IQCJ: variants seen among roughly 807,000 people sequenced by gnomAD.
The protein encoded by IQCJ is IQ motif containing J, also known as IQ domain-containing protein J.
IQCJ carries 9 observed loss-of-function variants against 11.0 expected under a neutral mutation model. That is an observed-to-expected ratio of 0.82 (90% CI 0.49 to 1.43). The LOEUF (loss-of-function observed/expected upper bound fraction) is 1.43, where lower values mean the gene tolerates loss of function less well. Ranked by LOEUF, IQCJ falls within the 40% of genes most tolerant of loss-of-function variation. The pLI is 0.00. For synonymous variants in IQCJ, 55 were observed against 51.3 expected (o/e 1.07, Z -0.31); for missense variants, 146 against 133.2 (o/e 1.10, Z -0.47).
In IQCJ at chr3:159,110,650, T is replaced by C. The variant is rs59384482; in HGVS notation, c.9+41209T>C. On this transcript the variant is annotated intron_variant, in intron 1 of 3. Coordinates refer to ENST00000397832, the MANE Select transcript of IQCJ (RefSeq NM_001042706.3). ...CGTGACTGTTAGGAGGGGCCGTCTTTCTTATTCATCACTGTATCCCCAGCA... is the reference window on the plus strand; with the variant it reads ...CGTGACTGTTAGGAGGGGCCGTCTTCCTTATTCATCACTGTATCCCCAGCA... 2.5e-3 allele frequency among the ~76,000 whole-genome samples: 375 copies of C among 152,226 alleles called. 2 individuals are homozygous for C. The highest frequency in any genetic ancestry group is 8.6e-3 in the African/African-American group (358 of 41,540).
At chr3:159,149,861 G>C (rs142938192) in intron 1 of IQCJ, among the ~76,000 whole-genome samples, 2 of 152,086 alleles carry the variant, frequency 1.3e-5, no homozygotes, top group Admixed American at 6.6e-5. Context: ...GGGCAGGGAG[G>C]TGTGTTCCCT....
At chr3:159,221,328 C>T (rs1725531992) in intron 1 of IQCJ, among the ~76,000 whole-genome samples, 1 of 152,098 alleles carries the variant, frequency 6.6e-6, no homozygotes, top group Non-Finnish European at 1.5e-5. Flanking sequence ...CATGAAGTAG[C>T]TGCTACAAAA....
intron 1 of IQCJ, among the ~76,000 whole-genome samples, chr3:159,086,140 G>T (rs1168251065): frequency 1.3e-5 from 2 of 152,128 alleles, no homozygotes; most frequent in Non-Finnish European, 2.9e-5. Context: ...CATATGGCTA[G>T]CCAGTTTTCC....
intron 1 of IQCJ, among the ~76,000 whole-genome samples, chr3:159,159,839 C>T (rs183472768): frequency 2.0e-5 from 3 of 152,104 alleles, no homozygotes; most frequent in Admixed American, 2.0e-4. Flanking sequence ...CTCTCTCTTT[C>T]TGTCTCTCTC....
intron 1 of IQCJ, among the ~76,000 whole-genome samples, chr3:159,226,267 T>C (rs1725847300): frequency 6.6e-6 from 1 of 152,182 alleles, no homozygotes; most frequent in African/African-American, 2.4e-5. Context: ...ACATGGTTGG[T>C]TCCTCTTGCA....
chr3:159,251,007 T>C (rs1359178175), intron 2 of IQCJ, among the ~76,000 whole-genome samples: 4 of 152,198 alleles, frequency 2.6e-5, no homozygotes, highest in Admixed American at 2.6e-4. Flanking sequence ...AGACATTAAA[T>C]ATATGTGTAG....
At chr3:159,265,681 A>C (rs1236112787), downstream of IQCJ, 2 of 265,418 alleles carry the variant, frequency 7.5e-6, no homozygotes, top group Non-Finnish European at 7.2e-6. Flanking sequence ...CTATCTTCTC[A>C]TATCTGATCA....
In IQCJ at chr3:159,124,597, G is replaced by T. The variant is rs182030139; in HGVS notation, c.9+55156G>T. ...CATCATAGCACCCTATGACTTTACT[G>T]CACTCCTCACTGTTTGGATGTATGT... is the stretch of plus-strand genomic sequence containing the variant. On this transcript the variant is annotated intron_variant, in intron 1 of 3. Coordinates refer to ENST00000397832, the MANE Select transcript of IQCJ (RefSeq NM_001042706.3). Among the ~76,000 whole-genome samples, 6 of 152,158 alleles carry T rather than the reference G, an allele frequency of 3.9e-5. No individual in the cohort carries two copies. In the East Asian group the frequency reaches 1.2e-3, roughly 29 times the overall value.
intron 1 of IQCJ, among the ~76,000 whole-genome samples, chr3:159,126,002 A>G (rs1379707486): frequency 6.6e-6 from 1 of 152,234 alleles, no homozygotes; most frequent in Non-Finnish European, 1.5e-5. Flanking sequence ...TCTCCCAGAA[A>G]GTTATGCTGA....
intron 1 of IQCJ, among the ~76,000 whole-genome samples, chr3:159,129,681 G>A (rs1357856048): frequency 2.0e-5 from 3 of 152,112 alleles, no homozygotes; most frequent in African/African-American, 7.2e-5. Flanking sequence ...ATAATAAAGA[G>A]CAGTTTTAGC....
intron 1 of IQCJ, among the ~76,000 whole-genome samples, chr3:159,107,131 T>C (rs1431638379): frequency 6.6e-6 from 1 of 152,194 alleles, no homozygotes; most frequent in Non-Finnish European, 1.5e-5. Flanking sequence ...CTGCTGTGGT[T>C]TAAATTTTTG....
chr3:159,143,530 C>T (rs1176715511), intron 1 of IQCJ, among the ~76,000 whole-genome samples: 4 of 152,192 alleles, frequency 2.6e-5, no homozygotes, highest in African/African-American at 9.7e-5. Flanking sequence ...TATTATTCTC[C>T]TGTTGCCTTA....
chr3:159,224,515 A>G (rs985003210), intron 1 of IQCJ, among the ~76,000 whole-genome samples: 3 of 152,240 alleles, frequency 2.0e-5, no homozygotes, highest in Non-Finnish European at 4.4e-5. Flanking sequence ...TTCATGTAAT[A>G]TAATCACATA....
At chr3:159,245,746 G>T in intron 1 of IQCJ, 97 bp from the exon 2 acceptor site, 1 of 1,054,766 alleles carries the variant, frequency 9.5e-7, no homozygotes, top group South Asian at 1.5e-5. Context: ...AACTCTTAAT[G>T]TTGTGTTGTA....
intron 1 of IQCJ, among the ~76,000 whole-genome samples, chr3:159,076,347 A>G (rs573893308): frequency 2.3e-4 from 35 of 152,266 alleles, no homozygotes; most frequent in African/African-American, 8.2e-4. Flanking sequence ...CTCTATGACC[A>G]TGTATATGTA....
chr3:159,200,047 T>TATATATATATATATATATAA (rs946263011), intron 1 of IQCJ, among the ~76,000 whole-genome samples: 4 of 139,906 alleles, frequency 2.9e-5, no homozygotes, highest in East Asian at 2.1e-4. Flanking sequence ...TATATATATA[T>TATATATATATATATATATAA]AAATCTAAAT....
chr3:159,164,214 C>A (rs1168184348), intron 1 of IQCJ, among the ~76,000 whole-genome samples: 1 of 152,100 alleles, frequency 6.6e-6, no homozygotes, highest in Non-Finnish European at 1.5e-5. Flanking sequence ...GGGTTCTCTG[C>A]CAGAGCTATG....
intron 1 of IQCJ, among the ~76,000 whole-genome samples, chr3:159,085,813 A>T (rs1050605404): frequency 4.0e-5 from 6 of 150,666 alleles, no homozygotes; most frequent in African/African-American, 1.5e-4. Context: ...GATTCTGGAT[A>T]TTAGCCCTTT....
intron 1 of IQCJ, among the ~76,000 whole-genome samples, chr3:159,123,160 C>A (rs1719476938): frequency 6.6e-6 from 1 of 152,078 alleles, no homozygotes. Flanking sequence ...GGTTGGACAC[C>A]TTTCTATTTC....
Sources: gnomAD v4.1 joint callset for allele counts (sites outside exome capture counted in the v4.1 genomes callset) on GRCh38, gnomAD v4.1.1 for gene constraint, MANE v1.5 for transcripts, NCBI Gene and HGNC (gene_info 2026-07-23, HGNC 2026-07-21) for gene names.